Variants in BNIP3 observed in about 807,000 individuals in gnomAD.
BNIP3 encodes the protein BCL2/adenovirus E1B 19 kDa protein-interacting protein 3.
Under a neutral mutation model 23.9 loss-of-function variants are expected in BNIP3, and 16 were observed. The ratio of observed to expected loss-of-function variants is 0.67; its 90% CI spans 0.45 to 1.01. BNIP3 has a LOEUF of 1.01. Ranked by LOEUF, BNIP3 falls within the 50% of genes least tolerant of loss-of-function variation. The pLI is 0.00. For synonymous variants in BNIP3, 81 were observed against 89.3 expected (o/e 0.91, Z 0.53); for missense variants, 198 against 248.7 (o/e 0.80, Z 1.37).
At chr10:131,971,026 G>C in intron 3 of BNIP3, 56 bp from the exon 4 acceptor site, 2 of 1,516,720 alleles carry the variant, frequency 1.3e-6, no homozygotes, top group South Asian at 2.3e-5. Context: ...ACACGGGAAA[G>C]CACCCAGCTC....
In BNIP3 at chr10:131,970,699, C is replaced by T; in HGVS notation, c.478G>A (p.Glu160Lys). Residue 160 changes from glutamate to lysine, a missense_variant, in exon 5 of 6, where the codon GAA becomes AAA. Coordinates refer to ENST00000368636, the MANE Select transcript of BNIP3 (RefSeq NM_004052.4). The surrounding 1 kb of genome is among the most constrained non-coding windows in gnomAD (Gnocchi z 4.1). ...VMKKGGIFSA[E>K]FLKVFLPSLL... ...GATGGAAGGAAAACTTTCAGAAATTCTGCAGAGAATATGCCCCCTTTCTTC... is the reference window on the plus strand; with the variant it reads ...GATGGAAGGAAAACTTTCAGAAATTTTGCAGAGAATATGCCCCCTTTCTTC... The T allele has an allele frequency of 1.2e-6, 2 of 1,614,224 alleles. No homozygotes were observed. Among genetic ancestry groups the T allele is most frequent in the Non-Finnish European group, 1.7e-6 (2 of 1,180,036 alleles).
chr10:131,973,182 CA>C (rs2037053591), intron 2 of BNIP3, 64 bp from the exon 3 acceptor site: 1 of 1,552,366 alleles, frequency 6.4e-7, no homozygotes, highest in Admixed American at 1.7e-5. Context: ...ATTAGAAGCT[CA>C]AACCCCAAAG....
At chr10:131,980,193 G>A (rs1301912952) in intron 1 of BNIP3, 2 of 152,252 alleles carry the variant, frequency 1.3e-5, no homozygotes, top group Non-Finnish European at 2.9e-5. Context: ...ATATTGGAGA[G>A]AGGACCGAGC....
At chr10:131,973,428 T>C (rs2037056710) in intron 2 of BNIP3, 1 of 466,292 alleles carries the variant, frequency 2.1e-6, no homozygotes, top group Non-Finnish European at 3.9e-6. Flanking sequence ...ACGCGACCTT[T>C]GACCACTGTC....
rs537324413 is a variant in BNIP3, at chr10:131,976,467, C to T, written c.47-2524G>A. ...CTACCTACTCAGGGGATCCCACACA[C>T]CTGCCTCAGGTTCAGTAATTTACTA... On this transcript the variant is annotated intron_variant, in intron 1 of 5. Transcript: ENST00000368636. The surrounding 1 kb of genome is among the most constrained non-coding windows in gnomAD (Gnocchi z 4.3). Among the ~76,000 whole-genome samples the T allele has an allele frequency of 6.6e-6, 1 of 152,330 alleles. No individual in the cohort carries two copies. The highest frequency in any genetic ancestry group is 2.4e-5 in the African/African-American group (1 of 41,578).
chr10:131,981,796 T>C lies in BNIP3; in HGVS notation c.11A>G (p.Asn4Ser). 6.7e-7 allele frequency: 1 copy of C among 1,483,342 alleles called. No homozygotes were observed. The highest frequency in any genetic ancestry group is 8.9e-7 in the Non-Finnish European group (1 of 1,122,848). 91.9% of individuals were successfully genotyped at this position (1,483,342 alleles called of 1,614,324 possible). MSQ[N>S]GAPGMQEESL... Reference sequence around the variant, plus strand: ...CTCCTCCTGCATCCCGGGCGCTCCGTTCTGCGACATGGCGCCAGAGGGCAA... The same window carrying C: ...CTCCTCCTGCATCCCGGGCGCTCCGCTCTGCGACATGGCGCCAGAGGGCAA... Residue 4 changes from asparagine (N) to serine (S), a missense_variant, in exon 1 of 6, where the codon AAC becomes AGC. By Grantham distance (46) the Asn-to-Ser change is conservative. Transcript: ENST00000368636.
rs1477054665 is a variant in BNIP3 at position 131,970,500 on chromosome 10, C to T, written c.539+138G>A. ...GGTGGTTTCTGGACCTGAACAGTGA[C>T]TACGTGGGTGTTTGTGAAAATGCAC... On this transcript the variant is annotated intron_variant, in intron 5 of 5. Coordinates refer to ENST00000368636, the MANE Select transcript of BNIP3 (RefSeq NM_004052.4). The surrounding 1 kb of genome is among the most constrained non-coding windows in gnomAD (Gnocchi z 4.1). 9 of 1,264,672 alleles carry T rather than the reference C, an allele frequency of 7.1e-6. No individual in the cohort carries two copies. Among genetic ancestry groups the T allele is most frequent in the Middle Eastern group, 2.7e-4 (1 of 3,648 alleles). The allele number at this position is 1,264,672 out of a possible 1,614,324, so 78.3% of individuals were successfully genotyped here.
intron 3 of BNIP3, 52 bp downstream of exon 3, chr10:131,972,982 T>C: frequency 6.4e-7 from 1 of 1,558,992 alleles, no homozygotes; most frequent in South Asian, 1.1e-5. Context: ...CCGTTTCCTG[T>C]ACAAACAGAT....
At position 131,970,282 on chromosome 10, in the gene BNIP3, C is replaced by T; in HGVS notation, c.539+356G>A. ...GGTAACTGAGACCCTCCACCTACAG[C>T]AGAGCTGGGTGCATTCCCGCCACAG... On this transcript the variant is annotated intron_variant, in intron 5 of 5. Coordinates refer to ENST00000368636, the MANE Select transcript of BNIP3 (RefSeq NM_004052.4). This position sits in a 1 kb window ranked among gnomAD's most constrained non-coding sequence, Gnocchi z 4.1. 1 of 263,884 alleles carries T rather than the reference C, an allele frequency of 3.8e-6. No individual in the cohort carries two copies. Among genetic ancestry groups the T allele is most frequent in the Non-Finnish European group, 7.2e-6 (1 of 139,426 alleles). 16.3% of individuals were successfully genotyped at this position (263,884 alleles called of 1,614,324 possible).
intron 5 of BNIP3, chr10:131,969,058 C>G (rs1214700615): frequency 6.4e-6 from 1 of 157,288 alleles, no homozygotes; most frequent in Non-Finnish European, 1.4e-5. Context: ...TCCAGCTGAC[C>G]AGCGGGCATC....
intron 1 of BNIP3, chr10:131,981,055 G>A (rs930648884): frequency 1.3e-5 from 2 of 151,970 alleles, no homozygotes; most frequent in South Asian, 2.1e-4. Context: ...ATGGTCTTGC[G>A]AATCTAGCCA....
At chr10:131,981,731 T>C in intron 1 of BNIP3, 30 bp downstream of exon 1, 1 of 1,457,304 alleles carries the variant, frequency 6.9e-7, no homozygotes, top group Non-Finnish European at 9.0e-7. Flanking sequence ...CCGCGCCCCC[T>C]CGGCTCCCGC....
intron 1 of BNIP3, among the ~76,000 whole-genome samples, chr10:131,975,489 C>T (rs888134214): frequency 6.6e-6 from 1 of 152,122 alleles, no homozygotes; most frequent in Non-Finnish European, 1.5e-5. Context: ...GAATAATCAC[C>T]CTGAGCTGCT....
chr10:131,975,854 G>A (rs903497227), intron 1 of BNIP3, among the ~76,000 whole-genome samples: 1 of 152,178 alleles, frequency 6.6e-6, no homozygotes, highest in Non-Finnish European at 1.5e-5. Context: ...TGGCCTACAC[G>A]AAGCACATCC....
At chr10:131,972,793 GCCCCCGCTGCCTGTCCCACTCGGCGCCT>G (rs2037046370) in intron 3 of BNIP3, among the ~76,000 whole-genome samples, 1 of 152,176 alleles carries the variant, frequency 6.6e-6, no homozygotes, top group Non-Finnish European at 1.5e-5. Flanking sequence ...GGGACAGGAG[GCCCCCGCTGCCTGTCCCACTCGGCGCCT>G]CCCCCGCTCA....
chr10:131,973,007 C>A (rs771491189), intron 3 of BNIP3, 27 bp downstream of exon 3: 20 of 1,593,484 alleles, frequency 1.3e-5, no homozygotes, highest in Admixed American at 6.7e-5. Flanking sequence ...AATACTTTTA[C>A]AACTGCACAT....
chr10:131,976,799 A>G lies in BNIP3; in HGVS notation c.47-2856T>C, dbSNP rs935903927. Among the ~76,000 whole-genome samples, 2 of 152,078 alleles carry G rather than the reference A, an allele frequency of 1.3e-5. No homozygotes were observed. The highest frequency in any genetic ancestry group is 4.8e-5 in the African/African-American group (2 of 41,408). ...ACTATCCTGGGGCCACCCTTGAGCC[A>G]CTGTATTAGCAGTGTATTCTGAAGG... is the stretch of plus-strand genomic sequence containing the variant. On this transcript the variant is annotated intron_variant, in intron 1 of 5. Transcript: ENST00000368636. The surrounding 1 kb of genome is among the most constrained non-coding windows in gnomAD (Gnocchi z 4.3).
intron 3 of BNIP3, among the ~76,000 whole-genome samples, chr10:131,972,212 A>G (rs937473585): frequency 1.3e-5 from 2 of 152,158 alleles, no homozygotes; most frequent in Non-Finnish European, 2.9e-5. Context: ...CGCTTTCACA[A>G]CAATGCTGAA....
Position 131,970,604 on chromosome 10 carries a change from G to A in BNIP3, c.539+34C>T. The stretch of plus-strand genomic sequence containing the variant: ...GCAACCCAGAATCGCCCCACGACAT[G>A]CCATGACAGGAGTCACACAGTCACA... On this transcript the variant is annotated intron_variant, in intron 5 of 5. Transcript: ENST00000368636. The surrounding 1 kb of genome is among the most constrained non-coding windows in gnomAD (Gnocchi z 4.1). The A allele has an allele frequency of 1.2e-6, 2 of 1,608,046 alleles. No homozygotes were observed. Among genetic ancestry groups the A allele is most frequent in the Non-Finnish European group, 1.7e-6 (2 of 1,176,682 alleles).
Sources: gnomAD v4.1 joint callset for allele counts (sites outside exome capture counted in the v4.1 genomes callset) on GRCh38, gnomAD v4.1.1 for gene constraint, Gnocchi (gnomAD v3.1) non-coding constraint, MANE v1.5 for transcripts, NCBI Gene and HGNC (gene_info 2026-07-23, HGNC 2026-07-21) for gene names.